AXIN1: variants seen among roughly 807,000 people sequenced by gnomAD.
AXIN1 encodes the protein axin-1.
Under a neutral mutation model 76.4 loss-of-function variants are expected in AXIN1, and 30 were observed. That is an observed-to-expected ratio of 0.39 (90% CI 0.29 to 0.53). The LOEUF is 0.53. Among genes scored for constraint, AXIN1 ranks in the 20% least tolerant of loss-of-function variants. AXIN1 has a pLI of 0.66. For synonymous variants in AXIN1, 545 were observed against 501.4 expected (o/e 1.09, Z -1.16); for missense variants, 1,140 against 1,198.8 (o/e 0.95, Z 0.72).
At chr16:314,398 G>C (rs1394418467) in intron 3 of AXIN1, 145 bp downstream of exon 3, 8 of 1,278,038 alleles carry the variant, frequency 6.3e-6, no homozygotes, top group Non-Finnish European at 7.7e-6. Context: ...CTCTGCAGCA[G>C]GGTGGGACTT....
In AXIN1 at chr16:287,756, C is replaced by G; in HGVS notation, c.*366G>C. 2.4e-6 allele frequency: 1 copy of G among 424,308 alleles called. No individual in the cohort carries two copies. Among genetic ancestry groups the G allele is most frequent in the African/African-American group, 2.0e-5 (1 of 50,600 alleles). 26.3% of individuals were successfully genotyped at this position (424,308 alleles called of 1,614,324 possible). ...CATCCGGGCCTGGGCCCCACCCAGA[C>G]CTGGGTACGTGGGCAAATCCCAGAG... On this transcript the variant is annotated 3_prime_UTR_variant, in exon 11 of 11. Coordinates refer to ENST00000262320, the MANE Select transcript of AXIN1 (RefSeq NM_003502.4).
At chr16:312,641 C>T (rs1056338475) in intron 3 of AXIN1, among the ~76,000 whole-genome samples, 2 of 152,174 alleles carry the variant, frequency 1.3e-5, no homozygotes, top group African/African-American at 4.8e-5. Flanking sequence ...GCTAAAATCA[C>T]GTCAACATTT....
intron 2 of AXIN1, among the ~76,000 whole-genome samples, chr16:342,213 A>T (rs1475214996): frequency 6.6e-6 from 1 of 151,792 alleles, no homozygotes; most frequent in South Asian, 2.1e-4. Context: ...CTGCAGCTTC[A>T]CTCCTGAAGC....
intron 6 of AXIN1, 73 bp from the exon 7 acceptor site, chr16:297,299 C>T (rs1164363488): frequency 1.9e-6 from 3 of 1,574,740 alleles, no homozygotes; most frequent in African/African-American, 1.3e-5. Context: ...GTCTGCGAGG[C>T]CCCCTCCTGG....
intron 4 of AXIN1, among the ~76,000 whole-genome samples, chr16:309,672 G>A (rs1017531323): frequency 6.6e-6 from 1 of 152,212 alleles, no homozygotes; most frequent in African/African-American, 2.4e-5. Flanking sequence ...CCTCTTGAGG[G>A]GAAGCATCCA....
intron 4 of AXIN1, among the ~76,000 whole-genome samples, chr16:307,232 GA>G (rs1191622953): frequency 1.3e-5 from 2 of 152,154 alleles, no homozygotes; most frequent in Admixed American, 1.3e-4. Context: ...GGGCCAACAG[GA>G]GCACTCATGC....
Position 287,936 on chromosome 16 carries a change from G to T in AXIN1, c.*186C>A. 3 of 955,848 alleles carry T rather than the reference G, an allele frequency of 3.1e-6. No individual in the cohort carries two copies. Among genetic ancestry groups the T allele is most frequent in the Non-Finnish European group, 4.9e-6 (3 of 615,960 alleles). The allele number at this position is 955,848 out of a possible 1,614,324, so 59.2% of individuals were successfully genotyped here. A position where few individuals can be genotyped will look rare whatever the true frequency, so the allele number is the denominator to read the frequency against. On this transcript the variant is annotated 3_prime_UTR_variant, in exon 11 of 11. Coordinates refer to ENST00000262320, the MANE Select transcript of AXIN1 (RefSeq NM_003502.4). ...GTCCAGGCTGCCTCCTTGGGGGCAG[G>T]ACAGAAGCTTGTGGACCACTTGGAG... is the stretch of plus-strand genomic sequence containing the variant.
intron 4 of AXIN1, among the ~76,000 whole-genome samples, chr16:305,625 G>C (rs1346557088): frequency 6.6e-6 from 1 of 152,114 alleles, no homozygotes; most frequent in Non-Finnish European, 1.5e-5. Flanking sequence ...CTCACTGCAA[G>C]CTCCGCCTCC....
At position 297,803 on chromosome 16, in the gene AXIN1, G is replaced by A. The variant is rs2141509549; in HGVS notation, c.1703C>T (p.Pro568Leu). The change falls in exon 6 of 11, where the codon CCA becomes CTA. Residue 568 changes from proline to leucine, a missense_variant. Coordinates refer to ENST00000262320, the MANE Select transcript of AXIN1 (RefSeq NM_003502.4). ...AQSSFAWGLE[P>L]HSHGARSRGY... ...TCGGGACCTTGCCCCATGGCTGTGT[G>A]GTTCCAGGCCCCAGGCGAAGCTGCT... The A allele has an allele frequency of 2.6e-6, 4 of 1,565,452 alleles. No homozygotes were observed. Among genetic ancestry groups the A allele is most frequent in the Middle Eastern group, 1.7e-4 (1 of 5,832 alleles).
At chr16:315,304 T>G (rs187494888) in intron 2 of AXIN1, among the ~76,000 whole-genome samples, 157 of 152,348 alleles carry the variant, frequency 1.0e-3, no homozygotes, top group African/African-American at 3.6e-3. Context: ...AATGGTCAGA[T>G]TGGCAGTTTA....
In AXIN1 at chr16:309,832, G is replaced by A. The variant is rs1464855064; in HGVS notation, c.1116+141C>T. On this transcript the variant is annotated intron_variant, in intron 4 of 10. Coordinates refer to ENST00000262320, the MANE Select transcript of AXIN1 (RefSeq NM_003502.4). ...CCTCAGGGACTGGCCACTTGCAGAT[G>A]TTGCTGGGATCACACGCTTACGCCT... 3 of 796,562 alleles carry A rather than the reference G, an allele frequency of 3.8e-6. No homozygotes were observed. The African/African-American group carries it at 5.1e-5, about 14-fold the overall frequency. 49.3% of individuals were successfully genotyped at this position (796,562 alleles called of 1,614,324 possible).
intron 2 of AXIN1, among the ~76,000 whole-genome samples, chr16:341,592 C>T (rs1326280441): frequency 6.6e-6 from 1 of 152,256 alleles, no homozygotes. Context: ...CGACGAGCGC[C>T]CGGTCCCATT....
In AXIN1 at chr16:293,797, A is replaced by T; in HGVS notation, c.1956-79T>A. 2 of 1,399,264 alleles carry T rather than the reference A, an allele frequency of 1.4e-6. No individual in the cohort carries two copies. The highest frequency in any genetic ancestry group is 2.0e-6 in the Non-Finnish European group (2 of 994,202). 86.7% of individuals were successfully genotyped at this position (1,399,264 alleles called of 1,614,324 possible). On this transcript the variant is annotated intron_variant, in intron 7 of 10. Transcript: ENST00000262320. This position sits in a 1 kb window ranked among gnomAD's most constrained non-coding sequence, Gnocchi z 4.6. ...CCTGGTGGGGCTACACTCATCTCAC[A>T]AGGGCAGCCTCCTTGAGGGATAGGA...
At chr16:329,789 ATTTTTTT>A (rs773869039) in intron 2 of AXIN1, among the ~76,000 whole-genome samples, 2 of 131,248 alleles carry the variant, frequency 1.5e-5, no homozygotes, top group Non-Finnish European at 3.3e-5. Context: ...TTGCCCGGCT[ATTTTTTT>A]TTTTTTTTTG....
At position 304,307 on chromosome 16, in the gene AXIN1, G is replaced by A; in HGVS notation, c.1251C>T (p.Arg417=). The part of the protein sequence containing the change: ...EKLEERLKRV[R]MEEEGEDGDP... ...GACACCGACGCGGCCCACTCACCAT[G>A]CGCACGCGCTTCAGCCGCTCCTCCA... Residue 417 remains arginine, a synonymous_variant, in exon 5 of 11, where the codon CGC becomes CGT. Transcript: ENST00000262320. 2 of 1,611,040 alleles carry A rather than the reference G, an allele frequency of 1.2e-6. No individual in the cohort carries two copies. The highest frequency in any genetic ancestry group is 1.7e-6 in the Non-Finnish European group (2 of 1,179,372).
At chr16:351,578 C>G (rs898867733) in intron 1 of AXIN1, among the ~76,000 whole-genome samples, 9 of 152,018 alleles carry the variant, frequency 5.9e-5, no homozygotes, top group African/African-American at 1.7e-4. Flanking sequence ...CCACTGCACT[C>G]CAGCCTGGGC....
rs2141572756 is a variant in AXIN1, at chr16:309,984, G to A, written c.1105C>T (p.Pro369Ser). The A allele has an allele frequency of 6.2e-7, 1 of 1,613,476 alleles. No individual in the cohort carries two copies. The highest frequency in any genetic ancestry group is 8.5e-7 in the Non-Finnish European group (1 of 1,179,994). Residue 369 changes from proline (P) to serine (S), a missense_variant, in exon 4 of 11, where the codon CCT becomes TCT. By Grantham distance (74) the Pro-to-Ser change is moderately conservative. Coordinates refer to ENST00000262320, the MANE Select transcript of AXIN1 (RefSeq NM_003502.4). Reference protein sequence around the residue: ...SVQVNGRVPLPHIPRTYRVPK... With the variant: ...SVQVNGRVPLSHIPRTYRVPK... ...AAGCCGGTACTTACGGGAATGTGAG[G>A]TAGGGGCACCCGCCCATTGACCTGC...
rs1238815776 is a variant in AXIN1, at chr16:309,979, G to A, written c.1110C>T (p.His370=). The A allele has an allele frequency of 6.2e-7, 1 of 1,613,310 alleles. No individual in the cohort carries two copies. The highest frequency in any genetic ancestry group is 1.3e-5 in the African/African-American group (1 of 74,960). Residue 370 remains histidine (H), a synonymous_variant, in exon 4 of 11, where the codon CAC becomes CAT. Transcript: ENST00000262320. The part of the protein sequence containing the change: ...VQVNGRVPLP[H]IPRTYRVPKE... ...CCGCAAAGCCGGTACTTACGGGAATGTGAGGTAGGGGCACCCGCCCATTGA... is the reference window on the plus strand; with the variant it reads ...CCGCAAAGCCGGTACTTACGGGAATATGAGGTAGGGGCACCCGCCCATTGA...
At chr16:297,276 G>A (rs371325534) in intron 6 of AXIN1, 50 bp from the exon 7 acceptor site, 7 of 1,597,832 alleles carry the variant, frequency 4.4e-6, no homozygotes, top group Non-Finnish European at 5.9e-6. Context: ...GGCCGAGGCT[G>A]TGCCCCTTCC....
Sources: allele counts gnomAD v4.1 joint callset (sites outside exome capture counted in the v4.1 genomes callset), GRCh38; gene constraint gnomAD v4.1.1; non-coding constraint Gnocchi (gnomAD v3.1); transcripts MANE v1.5; gene names NCBI Gene and HGNC (gene_info 2026-07-23, HGNC 2026-07-21).